The following ZZEF1 variants were observed in gnomAD, a reference collection of about 807,000 sequenced individuals.
The protein encoded by ZZEF1 is zinc finger ZZ-type and EF-hand domain-containing protein 1.
ZZEF1 carries 157 observed loss-of-function variants against 342.8 expected under a neutral mutation model. The ratio of observed to expected loss-of-function variants is 0.46; its 90% CI spans 0.40 to 0.52. The LOEUF (loss-of-function observed/expected upper bound fraction) is 0.52. Ranked by LOEUF, ZZEF1 falls within the 20% of genes least tolerant of loss-of-function variation. The probability of loss-of-function intolerance (pLI) is 0.00; values close to 1 mark genes in which losing one functional copy is unlikely to be tolerated. For missense variants in ZZEF1, 3,480 were observed against 3,725.6 expected, an observed-to-expected ratio of 0.93 and a Z score of 1.72; for synonymous variants, 1,505 against 1,429.1, an observed-to-expected ratio of 1.05 and a Z score of -1.20.
chr17:4,128,581 T>C (rs1041107131), intron 1 of ZZEF1, among the ~76,000 whole-genome samples: 20 of 149,108 alleles, frequency 1.3e-4, no homozygotes, highest in East Asian at 6.5e-4. Flanking sequence ...TGCCTCAGCC[T>C]CCCGAGTAGC....
In ZZEF1 at chr17:4,142,689, G is replaced by T; in HGVS notation, c.207C>A (p.Cys69Ter). The change falls in exon 1 of 55, where the codon TGC becomes TGA. Residue 69 changes from cysteine (C) to a stop codon, truncating the protein, a stop_gained. Transcript: ENST00000381638. LOFTEE classifies it high-confidence loss of function. ...CGCGATGCCTCGACACCAGCGACTC[G>T]CAGGGGGGTGTGGGCAGCAACGCTG... is the stretch of plus-strand genomic sequence containing the variant. ...AAAALLPTPPCESLVSRHRGA... is the reference protein window; with the variant it reads ...AAAALLPTPP The T allele has an allele frequency of 2.5e-6, 4 of 1,605,466 alleles. No individual in the cohort carries two copies. The highest frequency in any genetic ancestry group is 3.4e-6 in the Non-Finnish European group (4 of 1,178,928).
intron 26 of ZZEF1, among the ~76,000 whole-genome samples, chr17:4,068,164 C>T (rs2057439061): frequency 6.6e-6 from 1 of 152,066 alleles, no homozygotes; most frequent in Admixed American, 6.6e-5. Flanking sequence ...ACATAAAGTC[C>T]AGGTAAATAG....
chr17:4,088,412 C>G (rs8082425), intron 13 of ZZEF1, among the ~76,000 whole-genome samples: 25,356 of 152,084 alleles, frequency 0.17, 2,181 homozygotes, highest in East Asian at 0.18. Flanking sequence ...ACGGCCAGGG[C>G]TCTTGAAGAT....
intron 52 of ZZEF1, 125 bp from the exon 53 acceptor site, chr17:4,009,882 G>A: frequency 8.4e-7 from 1 of 1,183,730 alleles, no homozygotes; most frequent in South Asian, 1.5e-5. Context: ...TGATTATAAA[G>A]TCGCCTCACC....
At position 4,049,847 on chromosome 17, in the gene ZZEF1, A is replaced by G. The variant is rs148096119; in HGVS notation, c.5876T>C (p.Leu1959Pro). 6.6e-5 allele frequency: 107 copies of G among 1,613,984 alleles called. No individual in the cohort carries two copies. Among genetic ancestry groups the G allele is most frequent in the African/African-American group, 1.3e-5 (1 of 74,940 alleles). ...KAHQGKGLKALALLGVLPDGD... is the reference protein window; with the variant it reads ...KAHQGKGLKAPALLGVLPDGD... ...ATCTGGCAATACACCCAGCAAAGCT[A>G]GAGCTTTAAGGCCTATGTGGGAAGC... The change falls in exon 37 of 55, where the codon CTA (leucine) becomes CCA (proline). Residue 1959 changes from leucine (L) to proline (P), a missense_variant. By Grantham distance (98) the Leu-to-Pro change is moderately conservative (BLOSUM62 -3). Around this residue, in one of 5 missense-constraint regions of ZZEF1, gnomAD observed 1,269 missense variants for 1,342.4 expected, o/e 0.95. Coordinates refer to ENST00000381638, the MANE Select transcript of ZZEF1 (RefSeq NM_015113.4).
chr17:4,036,655 C>T (rs1401211980), intron 39 of ZZEF1, among the ~76,000 whole-genome samples: 9 of 151,174 alleles, frequency 6.0e-5, no homozygotes, highest in Admixed American at 2.0e-4. Flanking sequence ...TCACTTGAAC[C>T]GGGAGGCGGA....
chr17:4,093,917 C>G (rs916809693), intron 11 of ZZEF1, among the ~76,000 whole-genome samples: 2 of 152,174 alleles, frequency 1.3e-5, no homozygotes, highest in Non-Finnish European at 2.9e-5. Flanking sequence ...ACTTTACCTT[C>G]TGACTTCTGG....
intron 11 of ZZEF1, among the ~76,000 whole-genome samples, chr17:4,091,718 A>G (rs1272137160): frequency 1.0e-4 from 15 of 148,908 alleles, no homozygotes; most frequent in Admixed American, 2.7e-4. Flanking sequence ...TGGAGGTTGC[A>G]GTGAACTGAG....
intron 16 of ZZEF1, 110 bp from the exon 17 acceptor site, chr17:4,082,614 G>T: frequency 9.9e-7 from 1 of 1,013,836 alleles, no homozygotes; most frequent in Non-Finnish European, 1.5e-6. Flanking sequence ...TATGAGGAAT[G>T]CCAGGCCAGC....
intron 37 of ZZEF1, among the ~76,000 whole-genome samples, chr17:4,049,347 AC>A (rs2056994681): frequency 6.6e-6 from 1 of 152,052 alleles, no homozygotes; most frequent in Non-Finnish European, 1.5e-5. Flanking sequence ...CCCTGTCTCT[AC>A]AAAAAATACA....
intron 53 of ZZEF1, 141 bp from the exon 54 acceptor site, chr17:4,009,095 C>T: frequency 1.9e-6 from 2 of 1,040,420 alleles, no homozygotes; most frequent in Non-Finnish European, 1.4e-6. Context: ...CCGCGTGGCA[C>T]TGCCTTGCTC....
chr17:4,024,803 C>T, intron 43 of ZZEF1, 116 bp downstream of exon 43: 2 of 1,047,120 alleles, frequency 1.9e-6, no homozygotes, highest in Admixed American at 1.8e-5. Flanking sequence ...TAAAAATAAT[C>T]AAGATCCTAT....
chr17:4,010,205 CA>C (rs142781574), intron 52 of ZZEF1, among the ~76,000 whole-genome samples: 2 of 148,048 alleles, frequency 1.4e-5, no homozygotes, highest in Admixed American at 1.3e-4. Context: ...AAAAAACAAA[CA>C]AAAAAAAAAC....
chr17:4,043,740 A>T (rs367615861), intron 38 of ZZEF1, among the ~76,000 whole-genome samples: 6 of 152,246 alleles, frequency 3.9e-5, no homozygotes, highest in African/African-American at 1.4e-4. Context: ...CCGAACGCCC[A>T]TCCCTATTGC....
intron 28 of ZZEF1, among the ~76,000 whole-genome samples, chr17:4,065,773 A>G (rs2057379886): frequency 6.6e-6 from 1 of 152,176 alleles, no homozygotes; most frequent in Non-Finnish European, 1.5e-5. Flanking sequence ...AATAACAACC[A>G]TAATATTTAA....
At chr17:4,082,348 C>T (rs912251068) in intron 17 of ZZEF1, 89 bp downstream of exon 17, 43 of 1,280,196 alleles carry the variant, frequency 3.4e-5, no homozygotes, top group African/African-American at 1.2e-4. Context: ...AGTACTACTT[C>T]GAAGGCACAT....
chr17:4,049,963 A>G (rs1363401941), intron 36 of ZZEF1, 104 bp from the exon 37 acceptor site: 31 of 1,326,450 alleles, frequency 2.3e-5, no homozygotes, highest in Non-Finnish European at 2.9e-5. Flanking sequence ...TAAATAAATG[A>G]GTTCTGCACA....
Position 4,054,316 on chromosome 17 carries a change from T to C in ZZEF1, c.5296-121A>G, listed in dbSNP as rs1024995632. The stretch of plus-strand genomic sequence containing the variant: ...CCAGGCATTGTACTAAGTGCTAGGA[T>C]TTGATAATGAATAAGCTCCTCAGTG... On this transcript the variant is annotated intron_variant, in intron 33 of 54. Transcript: ENST00000381638. 9.6e-5 allele frequency: 107 copies of C among 1,111,762 alleles called. 1 individual carries two copies. The highest frequency in any genetic ancestry group is 1.3e-4 in the Non-Finnish European group (103 of 785,846). The allele number at this position is 1,111,762 out of a possible 1,614,324, so 68.9% of individuals were successfully genotyped here.
At chr17:4,049,587 G>C in intron 37 of ZZEF1, 121 bp downstream of exon 37, 1 of 1,145,006 alleles carries the variant, frequency 8.7e-7, no homozygotes, top group East Asian at 2.4e-5. Context: ...GAGCAGGCAT[G>C]TGAATCCAGC....
Sources: gnomAD v4.1 joint callset for allele counts (sites outside exome capture counted in the v4.1 genomes callset) on GRCh38, gnomAD v4.1.1 for gene constraint, gnomAD v4.1.1 regional missense constraint, MANE v1.5 for transcripts, NCBI Gene and HGNC (gene_info 2026-07-23, HGNC 2026-07-21) for gene names.